The following DEPTOR variants were observed in gnomAD, a reference collection of about 807,000 sequenced individuals.
DEPTOR encodes the protein DEP domain containing MTOR interacting protein.
DEPTOR carries 41 observed loss-of-function variants against 41.6 expected under a neutral mutation model. The observed-to-expected ratio is 0.98, with a 90% CI of 0.77 to 1.28. The LOEUF (loss-of-function observed/expected upper bound fraction) is 1.28. Ranked by LOEUF, DEPTOR falls within the 50% of genes most tolerant of loss-of-function variation. The probability of loss-of-function intolerance (pLI) is 0.00; values close to 1 mark genes in which losing one functional copy is unlikely to be tolerated. For synonymous variants in DEPTOR, 195 were observed against 192.3 expected, an observed-to-expected ratio of 1.01 and a Z score of -0.12; for missense variants, 514 against 527.9, an observed-to-expected ratio of 0.97 and a Z score of 0.26.
rs1306928454 is a variant in DEPTOR at position 120,001,633 on chromosome 8, C to G, written c.713C>G (p.Ser238Cys). The stretch of plus-strand genomic sequence containing the variant: ...CTGCTCAATGAAAAGTCCCCCTCCT[C>G]CCAGGAAACTCATGACAGTCCCTTC... ...MELLNEKSPS[S>C]QETHDSPFCL... The change falls in exon 5 of 9, where the codon TCC becomes TGC. Residue 238 changes from serine to cysteine, a missense_variant. Coordinates refer to ENST00000286234, the MANE Select transcript of DEPTOR (RefSeq NM_022783.4). 1 of 1,613,932 alleles carries G rather than the reference C, an allele frequency of 6.2e-7. No individual in the cohort carries two copies. The highest frequency in any genetic ancestry group is 1.7e-5 in the Admixed American group (1 of 59,990).
intron 8 of DEPTOR, among the ~76,000 whole-genome samples, chr8:120,047,021 TTTTA>T (rs761058897): frequency 2.4e-4 from 37 of 152,178 alleles, no homozygotes; most frequent in Non-Finnish European, 4.3e-4. Flanking sequence ...GAGTCTGGGT[TTTTA>T]TTTATTTATT....
intron 1 of DEPTOR, among the ~76,000 whole-genome samples, chr8:119,881,743 A>G (rs904514559): frequency 2.0e-5 from 3 of 152,158 alleles, no homozygotes; most frequent in Non-Finnish European, 4.4e-5. Context: ...CTTCTCCTAA[A>G]CAGCAGAGAG....
intron 3 of DEPTOR, among the ~76,000 whole-genome samples, chr8:119,941,533 A>T (rs1312792209): frequency 6.6e-6 from 1 of 152,180 alleles, no homozygotes; most frequent in African/African-American, 2.4e-5. Context: ...GGCAAGCAAG[A>T]GAAAGCCAAA....
At position 119,874,000 on chromosome 8, in the gene DEPTOR, G is replaced by T. The variant is rs373018055; in HGVS notation, c.122+32G>T. ...CAAGAGACACAGCGGGTGAGCTCAC[G>T]ATGGCACTGCCAACGCGTGCCCGCT... On this transcript the variant is annotated intron_variant, in intron 1 of 8. Transcript: ENST00000286234. 5.0e-6 allele frequency: 8 copies of T among 1,611,800 alleles called. No individual in the cohort carries two copies. In the African/African-American group the frequency reaches 9.4e-5, roughly 19 times the overall value.
chr8:119,901,987 A>G (rs1827599837), intron 1 of DEPTOR, among the ~76,000 whole-genome samples: 1 of 151,294 alleles, frequency 6.6e-6, no homozygotes, highest in African/African-American at 2.4e-5. Flanking sequence ...TGTCTGTGAT[A>G]CATATTATGA....
At chr8:120,007,650 G>A (rs1812464539) in intron 7 of DEPTOR, among the ~76,000 whole-genome samples, 1 of 152,092 alleles carries the variant, frequency 6.6e-6, no homozygotes, top group South Asian at 2.1e-4. Flanking sequence ...TAGTGGCATT[G>A]CCTCAGGCTG....
At chr8:120,010,538 C>T (rs755213127) in intron 8 of DEPTOR, among the ~76,000 whole-genome samples, 10 of 151,560 alleles carry the variant, frequency 6.6e-5, no homozygotes, top group Non-Finnish European at 1.5e-4. Context: ...ATTGCTTGAG[C>T]CTGGGAGGCA....
At chr8:119,915,739 T>A (rs1827802224) in intron 1 of DEPTOR, among the ~76,000 whole-genome samples, 1 of 152,180 alleles carries the variant, frequency 6.6e-6, no homozygotes, top group Non-Finnish European at 1.5e-5. Flanking sequence ...GGTTATCAGT[T>A]AGGTTGATAC....
intron 6 of DEPTOR, among the ~76,000 whole-genome samples, chr8:120,006,371 A>G (rs1380129338): frequency 6.6e-6 from 1 of 152,004 alleles, no homozygotes; most frequent in Non-Finnish European, 1.5e-5. Context: ...TAAAAATACA[A>G]AAATTAGCCA....
chr8:120,000,099 A>G (rs1037797750), intron 4 of DEPTOR, among the ~76,000 whole-genome samples: 2 of 152,200 alleles, frequency 1.3e-5, no homozygotes, highest in African/African-American at 4.8e-5. Flanking sequence ...AAGGGTACCC[A>G]GGAACTCTCT....
intron 8 of DEPTOR, among the ~76,000 whole-genome samples, chr8:120,040,448 C>T (rs557412532): frequency 1.3e-5 from 2 of 151,918 alleles, no homozygotes; most frequent in South Asian, 2.1e-4. Flanking sequence ...TGGTGGTGGG[C>T]GCCTGTAGTC....
chr8:119,995,544 C>T (rs1586650089), intron 4 of DEPTOR, among the ~76,000 whole-genome samples: 2 of 151,416 alleles, frequency 1.3e-5, no homozygotes, highest in East Asian at 3.9e-4. Flanking sequence ...CAAGATCACG[C>T]CACTGCACTC....
intron 8 of DEPTOR, among the ~76,000 whole-genome samples, chr8:120,040,994 T>C (rs919198452): frequency 6.6e-6 from 1 of 152,228 alleles, no homozygotes; most frequent in Admixed American, 6.5e-5. Flanking sequence ...GTGTGTATCT[T>C]ATCATTCTTT....
At chr8:120,044,675 G>A (rs1253939492) in intron 8 of DEPTOR, among the ~76,000 whole-genome samples, 1 of 152,204 alleles carries the variant, frequency 6.6e-6, no homozygotes, top group East Asian at 1.9e-4. Flanking sequence ...GTCAACTGTA[G>A]TGAAATGAAG....
chr8:119,977,020 A>G (rs1828703537), intron 4 of DEPTOR, among the ~76,000 whole-genome samples: 1 of 152,164 alleles, frequency 6.6e-6, no homozygotes, highest in African/African-American at 2.4e-5. Context: ...ATTTTTTATT[A>G]GATGGAGTCT....
At chr8:119,939,682 C>T (rs923809922) in intron 3 of DEPTOR, among the ~76,000 whole-genome samples, 2 of 151,966 alleles carry the variant, frequency 1.3e-5, no homozygotes, top group African/African-American at 4.8e-5. Flanking sequence ...GCCATGTTGG[C>T]CAGGTTGATC....
intron 1 of DEPTOR, among the ~76,000 whole-genome samples, chr8:119,912,064 A>G (rs973369262): frequency 2.0e-5 from 3 of 152,258 alleles, no homozygotes; most frequent in African/African-American, 4.8e-5. Context: ...ATAGGTAAAC[A>G]TGAGCATTTT....
chr8:119,913,604 T>G (rs1427939750), intron 1 of DEPTOR, among the ~76,000 whole-genome samples: 1 of 152,200 alleles, frequency 6.6e-6, no homozygotes, highest in African/African-American at 2.4e-5. Flanking sequence ...TTAAAGGGGC[T>G]CATATTCCTC....
intron 1 of DEPTOR, among the ~76,000 whole-genome samples, chr8:119,926,284 T>C (rs1432818994): frequency 6.6e-6 from 1 of 152,090 alleles, no homozygotes; most frequent in Admixed American, 6.5e-5. Flanking sequence ...AACATGATGA[T>C]TCAGGTGCTC....
Sources: allele counts gnomAD v4.1 joint callset (sites outside exome capture counted in the v4.1 genomes callset), GRCh38; gene constraint gnomAD v4.1.1; transcripts MANE v1.5; gene names NCBI Gene and HGNC (gene_info 2026-07-23, HGNC 2026-07-21).